BAZ1A: variants seen among roughly 807,000 people sequenced by gnomAD.
The protein encoded by BAZ1A is bromodomain adjacent to zinc finger domain protein 1A.
In BAZ1A, 50 loss-of-function variants were observed where a neutral mutation model predicts 185.2. The observed-to-expected ratio is 0.27, with a 90% CI of 0.22 to 0.34. The LOEUF (loss-of-function observed/expected upper bound fraction) is 0.34. Ranked by LOEUF, BAZ1A falls within the 10% of genes least tolerant of loss-of-function variation. The pLI, the probability that BAZ1A is intolerant of heterozygous loss-of-function variation, is 1.00. For synonymous variants in BAZ1A, 571 were observed against 615.6 expected (o/e 0.93, Z 1.07); for missense variants, 1,356 against 1,839.9 (o/e 0.74, Z 4.81).
chr14:34,805,942 C>T (rs1459602969), intron 6 of BAZ1A, among the ~76,000 whole-genome samples: 5 of 150,672 alleles, frequency 3.3e-5, no homozygotes, highest in Non-Finnish European at 5.9e-5. Flanking sequence ...AGTGCAGTGG[C>T]GCAATCTTGG....
intron 2 of BAZ1A, among the ~76,000 whole-genome samples, chr14:34,866,712 T>G (rs942507519): frequency 6.6e-6 from 1 of 151,934 alleles, no homozygotes; most frequent in East Asian, 1.9e-4. Context: ...TGAAGTATAC[T>G]TCTAATAACT....
At chr14:34,842,274 G>C (rs2042426660) in intron 3 of BAZ1A, among the ~76,000 whole-genome samples, 1 of 152,022 alleles carries the variant, frequency 6.6e-6, no homozygotes, top group South Asian at 2.1e-4. Flanking sequence ...AAGACAGAAC[G>C]ACAACAAATA....
Position 34,783,249 on chromosome 14 carries a change from A to C in BAZ1A, c.1998-17T>G, listed in dbSNP as rs1398107347. The C allele has an allele frequency of 6.8e-7, 1 of 1,471,210 alleles. No individual in the cohort carries two copies. Among genetic ancestry groups the C allele is most frequent in the South Asian group, 1.2e-5 (1 of 86,266 alleles). The allele number at this position is 1,471,210 out of a possible 1,614,324, so 91.1% of individuals were successfully genotyped here. On this transcript the variant is annotated splice_polypyrimidine_tract_variant and intron_variant, in intron 15 of 26. Coordinates refer to ENST00000360310, the MANE Select transcript of BAZ1A (RefSeq NM_013448.3). ...TTACGAATTCTAAAAGTTAAAATGAAATATGGTAGTCTATCTGATGCACAT... is the reference window on the plus strand; with the variant it reads ...TTACGAATTCTAAAAGTTAAAATGACATATGGTAGTCTATCTGATGCACAT...
intron 3 of BAZ1A, among the ~76,000 whole-genome samples, chr14:34,829,267 GAAA>G (rs60176426): frequency 0.012 from 1,010 of 86,274 alleles, 15 homozygotes; most frequent in African/African-American, 0.043. Flanking sequence ...CTCTGTCTCT[GAAA>G]AAAAAAAAAA....
intron 6 of BAZ1A, among the ~76,000 whole-genome samples, chr14:34,804,254 C>T (rs941792692): frequency 7.9e-5 from 12 of 152,296 alleles, no homozygotes; most frequent in Admixed American, 1.3e-4. Flanking sequence ...GTGATCTGCC[C>T]GCCTTGGCCT....
chr14:34,803,788 C>T (rs117786883), intron 6 of BAZ1A, among the ~76,000 whole-genome samples: 4 of 152,266 alleles, frequency 2.6e-5, no homozygotes, highest in Non-Finnish European at 4.4e-5. Flanking sequence ...AACTTAACTA[C>T]TTAATATATC....
rs1332369694 is a variant in BAZ1A at position 34,832,403 on chromosome 14, A to AC, written c.393-6248dup. ...TCTATAAGGCCAGAATTACCCTGAT[A>AC]CCCAGGCAGACAAAGAGATGGCAGA... On this transcript the variant is annotated intron_variant, in intron 3 of 26. Coordinates refer to ENST00000360310, the MANE Select transcript of BAZ1A (RefSeq NM_013448.3). Among the ~76,000 whole-genome samples, 247 of 150,750 alleles carry AC rather than the reference A, an allele frequency of 1.6e-3. 1 individual carries two copies. Among genetic ancestry groups the AC allele is most frequent in the Admixed American group, 0.016 (244 of 14,994 alleles).
At position 34,774,484 on chromosome 14, in the gene BAZ1A, G is replaced by A. The variant is rs1879459278; in HGVS notation, c.2840C>T (p.Pro947Leu). 6.4e-7 allele frequency: 1 copy of A among 1,572,292 alleles called. No individual in the cohort carries two copies. Among genetic ancestry groups the A allele is most frequent in the Non-Finnish European group, 8.6e-7 (1 of 1,162,270 alleles). The change falls in exon 19 of 27, where the codon CCT becomes CTT. Residue 947 changes from proline (P) to leucine (L), a missense_variant. By Grantham distance (98) the Pro-to-Leu change is moderately conservative. Transcript: ENST00000360310. ...SEEKFHFSDK[P>L]QPDSKPTYSR... ...ATATGTTGGTTTGCTATCAGGCTGA[G>A]GTTTGTCTGAAATAGTAATCAAATA...
chr14:34,862,321 C>A lies in BAZ1A; in HGVS notation c.115G>T (p.Asp39Tyr). The change falls in exon 3 of 27, where the codon GAC becomes TAC. Residue 39 changes from aspartate to tyrosine, a missense_variant and splice_region_variant. Transcript: ENST00000360310. ...CACAGAATGGTTCGTTCAAAAAAGT[C>A]ACTGATTAAAAAACAAAAACAAAAA... ...VTNEIFRHYD[D>Y]FFERTILCNS... 6.3e-7 allele frequency: 1 copy of A among 1,585,592 alleles called. No individual in the cohort carries two copies.
chr14:34,796,961 G>C (rs895326548), intron 9 of BAZ1A, among the ~76,000 whole-genome samples: 1 of 152,140 alleles, frequency 6.6e-6, no homozygotes, highest in African/African-American at 2.4e-5. Context: ...TTATGTGTAT[G>C]TATAGAAAGT....
intron 2 of BAZ1A, among the ~76,000 whole-genome samples, chr14:34,864,118 C>T (rs1486577982): frequency 2.6e-5 from 4 of 152,012 alleles, no homozygotes; most frequent in Non-Finnish European, 4.4e-5. Context: ...CCACCAGACC[C>T]AGCCTGTTTG....
chr14:34,839,539 CAA>C (rs35964410), intron 3 of BAZ1A, among the ~76,000 whole-genome samples: 6 of 80,946 alleles, frequency 7.4e-5, no homozygotes, highest in Admixed American at 2.8e-4. Flanking sequence ...AACTATCTTT[CAA>C]AAAAAAAAAA....
intron 3 of BAZ1A, among the ~76,000 whole-genome samples, chr14:34,829,741 T>A (rs987982823): frequency 3.3e-5 from 5 of 152,180 alleles, no homozygotes; most frequent in African/African-American, 1.2e-4. Context: ...TACTAAAAAA[T>A]TCCACCTCTA....
intron 2 of BAZ1A, among the ~76,000 whole-genome samples, chr14:34,863,237 T>G (rs1161534470): frequency 1.5e-5 from 2 of 131,154 alleles, no homozygotes. Context: ...CGATCTCGGC[T>G]CACCACAACC....
chr14:34,858,985 G>A (rs938187252), intron 3 of BAZ1A, among the ~76,000 whole-genome samples: 1 of 152,076 alleles, frequency 6.6e-6, no homozygotes, highest in South Asian at 2.1e-4. Context: ...TTTGTGAGTC[G>A]GGGAGCCATT....
At chr14:34,869,323 C>A (rs1256766627) in intron 2 of BAZ1A, among the ~76,000 whole-genome samples, 1 of 152,020 alleles carries the variant, frequency 6.6e-6, no homozygotes, top group African/African-American at 2.4e-5. Context: ...GTTCAGGTAC[C>A]ACATGTGCAG....
intron 9 of BAZ1A, among the ~76,000 whole-genome samples, chr14:34,797,180 TA>T (rs964958586): frequency 3.9e-5 from 6 of 152,206 alleles, no homozygotes; most frequent in Non-Finnish European, 7.3e-5. Context: ...TCATGTTAGA[TA>T]AAAAAAGCAT....
chr14:34,762,339 G>A, intron 23 of BAZ1A, 116 bp from the exon 24 acceptor site: 2 of 936,468 alleles, frequency 2.1e-6, no homozygotes, highest in Non-Finnish European at 3.2e-6. Flanking sequence ...CTATATAACT[G>A]AGACTTATCC....
chr14:34,772,276 A>G (rs957202002), intron 20 of BAZ1A, among the ~76,000 whole-genome samples: 1 of 152,042 alleles, frequency 6.6e-6, no homozygotes, highest in Non-Finnish European at 1.5e-5. Context: ...TTTAAAGTGC[A>G]AACTCATTCA....
Sources: allele counts gnomAD v4.1 joint callset (sites outside exome capture counted in the v4.1 genomes callset), GRCh38; gene constraint gnomAD v4.1.1; transcripts MANE v1.5; gene names NCBI Gene and HGNC (gene_info 2026-07-23, HGNC 2026-07-21).